Variants in LRBA observed in about 807,000 individuals in gnomAD.
LRBA encodes the protein LPS responsive beige-like anchor protein.
Under a neutral mutation model 330.0 loss-of-function variants are expected in LRBA, and 176 were observed. The ratio of observed to expected loss-of-function variants is 0.53; its 90% CI spans 0.47 to 0.60. LRBA has a LOEUF of 0.60. LRBA is among the 20% of genes least tolerant of loss of function. LRBA has a pLI of 0.00. For missense variants in LRBA, 3,259 were observed against 3,444.8 expected (o/e 0.95, Z 1.35); for synonymous variants, 1,230 against 1,193.0 (o/e 1.03, Z -0.64).
At chr4:150,735,481 C>T (rs1027167987) in intron 35 of LRBA, 115 bp from the exon 36 acceptor site, 48 of 719,388 alleles carry the variant, frequency 6.7e-5, no homozygotes, top group Admixed American at 4.4e-4. Flanking sequence ...TGACATCATA[C>T]ACAATGAGGT....
At chr4:150,678,943 T>C (rs1278883510) in intron 37 of LRBA, among the ~76,000 whole-genome samples, 11 of 152,146 alleles carry the variant, frequency 7.2e-5, no homozygotes, top group Non-Finnish European at 7.4e-5. Flanking sequence ...TAAGGTATAT[T>C]AGCATTTTAG....
At chr4:150,908,217 G>T in intron 11 of LRBA, 117 bp downstream of exon 11, 1 of 982,968 alleles carries the variant, frequency 1.0e-6, no homozygotes, top group Non-Finnish European at 1.5e-6. Flanking sequence ...ACAGTTTATA[G>T]TTCACAAGTT....
At chr4:150,946,151 T>C (rs1736223879) in intron 2 of LRBA, among the ~76,000 whole-genome samples, 1 of 152,160 alleles carries the variant, frequency 6.6e-6, no homozygotes, top group Admixed American at 6.5e-5. Context: ...TATTATGAAA[T>C]AAACAGTATT....
intron 34 of LRBA, among the ~76,000 whole-genome samples, chr4:150,769,654 A>C (rs1041053392): frequency 6.6e-6 from 1 of 152,102 alleles, no homozygotes; most frequent in African/African-American, 2.4e-5. Flanking sequence ...AATCTTTTTT[A>C]CTCAGTCTAC....
chr4:150,729,179 A>G (rs1402191209), intron 36 of LRBA, among the ~76,000 whole-genome samples: 9 of 152,112 alleles, frequency 5.9e-5, no homozygotes, highest in African/African-American at 2.2e-4. Flanking sequence ...TTAGCCGGAC[A>G]TAGTGGCACA....
chr4:150,432,765 A>G (rs1304621033), intron 46 of LRBA, among the ~76,000 whole-genome samples: 4 of 151,986 alleles, frequency 2.6e-5, no homozygotes, highest in South Asian at 4.2e-4. Context: ...TATACTTTCT[A>G]AGGTGCCAAA....
At chr4:150,950,328 T>C (rs570050968) in intron 2 of LRBA, among the ~76,000 whole-genome samples, 1 of 152,318 alleles carries the variant, frequency 6.6e-6, no homozygotes, top group African/African-American at 2.4e-5. Flanking sequence ...ATGAATTTCA[T>C]ATTCAAATCA....
intron 35 of LRBA, among the ~76,000 whole-genome samples, chr4:150,747,297 C>T (rs1382072972): frequency 2.0e-5 from 3 of 152,178 alleles, no homozygotes; most frequent in Non-Finnish European, 2.9e-5. Context: ...AGAAGTAATC[C>T]CCTACCAACG....
rs1055272624 is a variant in LRBA, at chr4:150,590,957, C to T, written c.6047-98G>A. ...GTAAGGGTAGGTGGCCAAAGATGGT[C>T]AATCTTTTATACACAGTGTCAGCTA... is the stretch of plus-strand genomic sequence containing the variant. On this transcript the variant is annotated intron_variant, in intron 38 of 56. Coordinates refer to ENST00000651943, the MANE Select transcript of LRBA (RefSeq NM_001364905.1). 13 of 1,040,802 alleles carry T rather than the reference C, an allele frequency of 1.2e-5. No homozygotes were observed. In the Admixed American group the frequency reaches 3.1e-4, roughly 25 times the overall value. The allele number at this position is 1,040,802 out of a possible 1,614,324, so 64.5% of individuals were successfully genotyped here.
intron 12 of LRBA, 141 bp from the exon 13 acceptor site, chr4:150,906,131 T>C: frequency 1.2e-6 from 1 of 838,482 alleles, no homozygotes; most frequent in Non-Finnish European, 1.9e-6. Flanking sequence ...CACATTTGTT[T>C]GATAGAGGAA....
At chr4:150,523,525 C>T (rs1054752882) in intron 40 of LRBA, among the ~76,000 whole-genome samples, 1 of 152,052 alleles carries the variant, frequency 6.6e-6, no homozygotes, top group Non-Finnish European at 1.5e-5. Flanking sequence ...GTTACCCAAT[C>T]TCAGGTATTT....
intron 2 of LRBA, among the ~76,000 whole-genome samples, chr4:150,938,527 G>A (rs1735337914): frequency 6.6e-6 from 1 of 152,142 alleles, no homozygotes; most frequent in Non-Finnish European, 1.5e-5. Flanking sequence ...AGCTTTTCTT[G>A]AATGAAAAGC....
rs538582313 is a variant in LRBA at position 150,962,443 on chromosome 4, G to A, written c.217-33378C>T. ...TGAGGTGGAAGGATCACTTGAGCCC[G>A]GGAAGTCCCAGCTACAGTAAGCTGT... On this transcript the variant is annotated intron_variant, in intron 2 of 56. Transcript: ENST00000651943. Among the ~76,000 whole-genome samples the A allele has an allele frequency of 3.7e-4, 55 of 149,238 alleles. 8 individuals are homozygous for A. Among genetic ancestry groups the A allele is most frequent in the African/African-American group, 1.4e-3 (53 of 38,664 alleles).
intron 31 of LRBA, among the ~76,000 whole-genome samples, chr4:150,815,092 A>C (rs1744367702): frequency 6.6e-6 from 1 of 151,954 alleles, no homozygotes; most frequent in South Asian, 2.1e-4. Context: ...GTATAAGAAA[A>C]TATTTTACTC....
At chr4:150,946,842 A>ACT (rs1318531090) in intron 2 of LRBA, among the ~76,000 whole-genome samples, 10 of 151,962 alleles carry the variant, frequency 6.6e-5, no homozygotes, top group Admixed American at 6.6e-4. Context: ...GGCAGGACTT[A>ACT]AAAAGCAGCA....
At chr4:150,593,302 T>A (rs1561400055) in intron 38 of LRBA, among the ~76,000 whole-genome samples, 1 of 152,204 alleles carries the variant, frequency 6.6e-6, no homozygotes, top group Non-Finnish European at 1.5e-5. Flanking sequence ...ATATTACATA[T>A]CATTTTGCAT....
At chr4:150,589,068 C>CAT (rs746091768) in intron 39 of LRBA, among the ~76,000 whole-genome samples, 1 of 149,522 alleles carries the variant, frequency 6.7e-6, no homozygotes, top group Non-Finnish European at 1.5e-5. Context: ...CACACACACA[C>CAT]ACACAGAGAG....
At position 150,668,096 on chromosome 4, in the gene LRBA, G is replaced by C. The variant is rs139590298; in HGVS notation, c.5921+15455C>G. 2.0e-5 allele frequency among the ~76,000 whole-genome samples: 3 copies of C among 152,264 alleles called. No individual in the cohort carries two copies. In the East Asian group the frequency reaches 5.8e-4, roughly 29 times the overall value. ...CATTTGGCCTACAGTAAAAGTTCCT[G>C]ATAATGATGGAGGTAAAAATGGCCT... On this transcript the variant is annotated intron_variant, in intron 37 of 56. Transcript: ENST00000651943.
intron 42 of LRBA, among the ~76,000 whole-genome samples, chr4:150,480,401 TTAAA>T (rs1374625792): frequency 2.0e-5 from 3 of 152,084 alleles, no homozygotes; most frequent in African/African-American, 4.8e-5. Flanking sequence ...CAGGTTTTAA[TTAAA>T]TATAGTTACA....
Sources: allele counts gnomAD v4.1 joint callset (sites outside exome capture counted in the v4.1 genomes callset), GRCh38; gene constraint gnomAD v4.1.1; transcripts MANE v1.5; gene names NCBI Gene and HGNC (gene_info 2026-07-23, HGNC 2026-07-21).